Variants in USP49 observed in about 807,000 individuals in gnomAD.
USP49 encodes the protein ubiquitin specific peptidase 49, also known as ubiquitin carboxyl-terminal hydrolase 49.
USP49 carries 24 observed loss-of-function variants against 58.6 expected under a neutral mutation model. That is an observed-to-expected ratio of 0.41 (90% confidence interval 0.30 to 0.58). USP49 has a LOEUF of 0.58. Among genes scored for constraint, USP49 ranks in the 20% least tolerant of loss-of-function variants. The probability of loss-of-function intolerance (pLI) is 0.30; values close to 1 mark genes in which losing one functional copy is unlikely to be tolerated. For missense variants in USP49, 703 were observed against 866.1 expected, an observed-to-expected ratio of 0.81 and a Z score of 2.36; for synonymous variants, 408 against 365.1, an observed-to-expected ratio of 1.12 and a Z score of -1.34.
chr6:41,821,127 A>T (rs1773445479), intron 3 of USP49, among the ~76,000 whole-genome samples: 1 of 152,236 alleles, frequency 6.6e-6, no homozygotes, highest in Admixed American at 6.5e-5. Flanking sequence ...GTTATGAGAT[A>T]CTCTTCATTT....
chr6:41,845,752 ATTT>A (rs35988793), intron 3 of USP49, among the ~76,000 whole-genome samples: 1 of 150,562 alleles, frequency 6.6e-6, no homozygotes, highest in Non-Finnish European at 1.5e-5. Flanking sequence ...TTTTTTAAAT[ATTT>A]TTTTTTTCCA....
chr6:41,797,543 C>T (rs1163788215), intron 7 of USP49: 2 of 839,840 alleles, frequency 2.4e-6, no homozygotes, highest in African/African-American at 1.8e-5. Flanking sequence ...AGCTGGAAGA[C>T]TCCACTCTGG....
chr6:41,813,337 A>T (rs1382329956), intron 3 of USP49, among the ~76,000 whole-genome samples: 1 of 152,182 alleles, frequency 6.6e-6, no homozygotes, highest in Non-Finnish European at 1.5e-5. Flanking sequence ...TGCTACCAAG[A>T]TCTTATCATA....
intron 3 of USP49, among the ~76,000 whole-genome samples, chr6:41,828,778 C>A (rs1773585537): frequency 6.6e-6 from 1 of 151,728 alleles, no homozygotes; most frequent in African/African-American, 2.4e-5. Flanking sequence ...TTTCTTATGC[C>A]AAGGTAATAA....
Position 41,793,138 on chromosome 6 carries a change from GC to G in USP49, c.*3394del, listed in dbSNP as rs1378489290. The G allele has an allele frequency of 6.6e-6, 1 of 152,210 alleles. No homozygotes were observed. The highest frequency in any genetic ancestry group is 2.4e-5 in the African/African-American group (1 of 41,510). The allele number at this position is 152,210 out of a possible 1,614,324, so 9.4% of individuals were successfully genotyped here. A position where few individuals can be genotyped will look rare whatever the true frequency, so the allele number is the denominator to read the frequency against. On this transcript the variant is annotated 3_prime_UTR_variant, in exon 8 of 8. Transcript: ENST00000682992. The stretch of plus-strand genomic sequence containing the variant: ...TACAATCATTGACTCTAGAAGCCTT[GC>G]CATTAAAAACAAAAATAAACTCTGC...
At position 41,806,174 on chromosome 6, in the gene USP49, C is replaced by T; in HGVS notation, c.810G>A (p.Val270=). The T allele has an allele frequency of 6.2e-7, 1 of 1,613,346 alleles. No homozygotes were observed. The highest frequency in any genetic ancestry group is 8.5e-7 in the Non-Finnish European group (1 of 1,180,030). Residue 270 remains valine (V), a synonymous_variant, in exon 4 of 8, where the codon GTG becomes GTA. Coordinates refer to ENST00000682992, the MANE Select transcript of USP49 (RefSeq NM_001286554.2). The surrounding 1 kb of genome is among the most constrained non-coding windows in gnomAD (Gnocchi z 5.9). Reference sequence around the variant, plus strand: ...CTCGGAACTTCTGGAGGTGGCTGAGCACCTGGAGGATGGAGTTCATGTAGC... The same window carrying T: ...CTCGGAACTTCTGGAGGTGGCTGAGTACCTGGAGGATGGAGTTCATGTAGC... ...NTCYMNSILQ[V]LSHLQKFREC...
chr6:41,796,133 C>T lies in USP49; in HGVS notation c.*400G>A, dbSNP rs1350487768. On this transcript the variant is annotated 3_prime_UTR_variant, in exon 8 of 8. Coordinates refer to ENST00000682992, the MANE Select transcript of USP49 (RefSeq NM_001286554.2). ...CTCACGTGCTCTGTCCAGGACTGCTCACATCCGGAGGGTTCTTCTGGTGCT... is the reference window on the plus strand; with the variant it reads ...CTCACGTGCTCTGTCCAGGACTGCTTACATCCGGAGGGTTCTTCTGGTGCT... 1 of 185,484 alleles carries T rather than the reference C, an allele frequency of 5.4e-6. No homozygotes were observed. The highest frequency in any genetic ancestry group is 1.1e-5 in the Non-Finnish European group (1 of 87,292). The allele number at this position is 185,484 out of a possible 1,614,324, so 11.5% of individuals were successfully genotyped here.
chr6:41,891,039 T>TA (rs760100025), intron 2 of USP49, among the ~76,000 whole-genome samples: 2 of 152,230 alleles, frequency 1.3e-5, no homozygotes, highest in Non-Finnish European at 2.9e-5. Flanking sequence ...ACATAATCGT[T>TA]ACGGTGTTTA....
chr6:41,850,752 G>A (rs975710226), intron 3 of USP49, among the ~76,000 whole-genome samples: 2 of 151,430 alleles, frequency 1.3e-5, no homozygotes, highest in African/African-American at 2.4e-5. Context: ...CTGCAGGTGC[G>A]CCACCACGCC....
At chr6:41,853,923 C>T (rs973186280) in intron 3 of USP49, among the ~76,000 whole-genome samples, 9 of 137,404 alleles carry the variant, frequency 6.6e-5, no homozygotes, top group African/African-American at 1.1e-4. Context: ...TGCTTGAACC[C>T]GGGAGGCGGA....
At chr6:41,871,099 C>T (rs1774405707) in intron 3 of USP49, among the ~76,000 whole-genome samples, 1 of 152,046 alleles carries the variant, frequency 6.6e-6, no homozygotes, top group Non-Finnish European at 1.5e-5. Flanking sequence ...GCCATCCTCC[C>T]ACCTCAACCT....
chr6:41,892,749 C>T (rs888326450), intron 1 of USP49, among the ~76,000 whole-genome samples: 1 of 151,848 alleles, frequency 6.6e-6, no homozygotes, highest in Non-Finnish European at 1.5e-5. Context: ...ATTTACCCAA[C>T]TTTGAAAAAA....
intron 7 of USP49, 57 bp from the exon 8 acceptor site, chr6:41,796,780 A>G: frequency 1.4e-6 from 1 of 698,236 alleles, no homozygotes; most frequent in Non-Finnish European, 2.7e-6. Flanking sequence ...TATTTTAGTC[A>G]GCAGGCAAAA....
At chr6:41,808,144 A>T (rs1313442479) in intron 3 of USP49, among the ~76,000 whole-genome samples, 1 of 152,194 alleles carries the variant, frequency 6.6e-6, no homozygotes, top group African/African-American at 2.4e-5. Context: ...TACCTTCTTT[A>T]CTGAAAGGAA....
chr6:41,857,474 A>G (rs540276933), intron 3 of USP49, among the ~76,000 whole-genome samples: 1 of 152,208 alleles, frequency 6.6e-6, no homozygotes, highest in African/African-American at 2.4e-5. Context: ...GCAAAATCCT[A>G]TCTCTACAAA....
chr6:41,827,573 T>C (rs765583834), intron 3 of USP49, among the ~76,000 whole-genome samples: 1 of 150,672 alleles, frequency 6.6e-6, no homozygotes, highest in South Asian at 2.1e-4. Context: ...GGTAGGAGAA[T>C]TGCTTGAACC....
intron 5 of USP49, among the ~76,000 whole-genome samples, chr6:41,802,475 A>ATTTT (rs1326428600): frequency 4.5e-5 from 3 of 66,642 alleles, no homozygotes; most frequent in African/African-American, 7.2e-5. Context: ...TTTATTTTTT[A>ATTTT]TTTATTTTTT....
At chr6:41,863,917 C>G (rs1422635477) in intron 3 of USP49, among the ~76,000 whole-genome samples, 3 of 151,378 alleles carry the variant, frequency 2.0e-5, no homozygotes, top group Non-Finnish European at 4.4e-5. Context: ...GCCACCACAC[C>G]TGGCTAATTT....
rs1178577343 is a variant in USP49, at chr6:41,849,196, A to G, written c.-29+22368T>C. On this transcript the variant is annotated intron_variant, in intron 3 of 7. Transcript: ENST00000682992. The stretch of plus-strand genomic sequence containing the variant: ...TGTCAGACAAAATAGATTTTAAATA[A>G]AAAACTCTCATAAAAGATAAAAAAT... Among the ~76,000 whole-genome samples the G allele has an allele frequency of 2.6e-5, 4 of 152,318 alleles. No homozygotes were observed. The East Asian group carries it at 7.7e-4, about 29-fold the overall frequency.
Sources: gnomAD v4.1 joint callset for allele counts (sites outside exome capture counted in the v4.1 genomes callset) on GRCh38, gnomAD v4.1.1 for gene constraint, Gnocchi (gnomAD v3.1) non-coding constraint, MANE v1.5 for transcripts, NCBI Gene and HGNC (gene_info 2026-07-23, HGNC 2026-07-21) for gene names.